The following FAM163A variants were observed in gnomAD, a reference collection of about 807,000 sequenced individuals.
FAM163A encodes the protein protein FAM163A.
Under a neutral mutation model 12.0 loss-of-function variants are expected in FAM163A, and 7 were observed. That is an observed-to-expected ratio of 0.58 (90% CI 0.33 to 1.10). The LOEUF (loss-of-function observed/expected upper bound fraction) is 1.10. Ranked by LOEUF, FAM163A falls within the 50% of genes least tolerant of loss-of-function variation. The probability of loss-of-function intolerance (pLI) is 0.03; values close to 1 mark genes in which losing one functional copy is unlikely to be tolerated. For missense variants in FAM163A, 202 were observed against 218.6 expected (o/e 0.92, Z 0.48); for synonymous variants, 101 against 91.0 (o/e 1.11, Z -0.62).
chr1:179,770,050 C>T (rs530475439), intron 1 of FAM163A, among the ~76,000 whole-genome samples: 9 of 151,742 alleles, frequency 5.9e-5, no homozygotes, highest in South Asian at 4.2e-4. Flanking sequence ...GGACTACAGG[C>T]GCCTGCCACC....
At chr1:179,738,496 T>C (rs557718967), upstream of FAM163A, among the ~76,000 whole-genome samples, 1 of 152,304 alleles carries the variant, frequency 6.6e-6, no homozygotes, top group African/African-American at 2.4e-5. Context: ...AATTTAGCAA[T>C]ATGTGAAAAG....
At chr1:179,747,300 T>C (rs2147959878) in intron 1 of FAM163A, among the ~76,000 whole-genome samples, 1 of 152,332 alleles carries the variant, frequency 6.6e-6, no homozygotes, top group East Asian at 1.9e-4. Flanking sequence ...GCATTTCTTA[T>C]CAGCACAGAT....
In FAM163A at chr1:179,814,029, A is replaced by G. The variant is rs139956216; in HGVS notation, c.344A>G (p.Asn115Ser). ...FYIRTADMVP[N>S]GGGGERLSFA... The stretch of plus-strand genomic sequence containing the variant: ...ATACGGACGGCTGACATGGTGCCCA[A>G]TGGGGGTGGAGGCGAGAGGCTCTCC... The change falls in exon 5 of 5, where the codon AAT becomes AGT. Residue 115 changes from asparagine (N) to serine (S), a missense_variant. Asn to Ser is a conservative substitution (Grantham distance 46). Coordinates refer to ENST00000341785, the MANE Select transcript of FAM163A (RefSeq NM_173509.3). The G allele has an allele frequency of 1.1e-5, 18 of 1,613,320 alleles. No individual in the cohort carries two copies. The highest frequency in any genetic ancestry group is 3.3e-5 in the South Asian group (3 of 91,018).
At chr1:179,779,263 C>T (rs1212587334) in intron 1 of FAM163A, among the ~76,000 whole-genome samples, 2 of 152,110 alleles carry the variant, frequency 1.3e-5, no homozygotes, top group Non-Finnish European at 2.9e-5. Context: ...TCTGTGGTAG[C>T]AGGAGTAGAA....
chr1:179,797,794 A>T (rs986040863), intron 1 of FAM163A, among the ~76,000 whole-genome samples: 5 of 152,318 alleles, frequency 3.3e-5, no homozygotes, highest in Admixed American at 2.0e-4. Context: ...ATAGTCAACA[A>T]GGCCAACTTC....
At chr1:179,800,707 G>A (rs932845634) in intron 1 of FAM163A, among the ~76,000 whole-genome samples, 3 of 152,134 alleles carry the variant, frequency 2.0e-5, no homozygotes, top group East Asian at 1.9e-4. Context: ...TTTCCTTAGC[G>A]CTCAGTAAGT....
intron 1 of FAM163A, among the ~76,000 whole-genome samples, chr1:179,775,999 A>G (rs773408124): frequency 6.6e-6 from 1 of 152,074 alleles, no homozygotes; most frequent in Non-Finnish European, 1.5e-5. Context: ...AATTGATCAG[A>G]TGGGGTGGGG....
chr1:179,728,046 G>A, the FAM163A span, among the ~76,000 whole-genome samples: 16 of 152,026 alleles, frequency 1.1e-4, no homozygotes, highest in African/African-American at 3.6e-4. Flanking sequence ...GCTGTGAGTG[G>A]GCAGAAAAAG....
chr1:179,794,962 C>T (rs1275097675), intron 1 of FAM163A, among the ~76,000 whole-genome samples: 1 of 152,144 alleles, frequency 6.6e-6, no homozygotes, highest in Non-Finnish European at 1.5e-5. Flanking sequence ...AACTCCAAGG[C>T]CTGGGCTCCT....
At position 179,805,084 on chromosome 1, in the gene FAM163A, CT is replaced by C. The variant is rs1329886808; in HGVS notation, c.-135-2711del. ...TTTTTTTTCTTCAAATGTCCCTTTA[CT>C]TTAAAATGTATTCAGTGGGAGAAAT... is the stretch of plus-strand genomic sequence containing the variant. On this transcript the variant is annotated intron_variant, in intron 1 of 4. Coordinates refer to ENST00000341785, the MANE Select transcript of FAM163A (RefSeq NM_173509.3). 2.0e-5 allele frequency among the ~76,000 whole-genome samples: 3 copies of C among 152,124 alleles called. No homozygotes were observed. The East Asian group carries it at 5.8e-4, about 29-fold the overall frequency.
upstream of FAM163A, chr1:179,743,264 G>T (rs1683891881): frequency 6.6e-6 from 1 of 152,268 alleles, no homozygotes; most frequent in Non-Finnish European, 1.5e-5. Flanking sequence ...CTGGAGGGGC[G>T]ATGAGGCTCC....
At chr1:179,788,015 GT>G (rs1165307431) in intron 1 of FAM163A, among the ~76,000 whole-genome samples, 1 of 152,224 alleles carries the variant, frequency 6.6e-6, no homozygotes, top group Non-Finnish European at 1.5e-5. Context: ...GAGACAACAA[GT>G]TAATATATGG....
intron 1 of FAM163A, among the ~76,000 whole-genome samples, chr1:179,752,085 A>G (rs143521626): frequency 2.8e-4 from 42 of 152,332 alleles, no homozygotes; most frequent in African/African-American, 9.1e-4. Flanking sequence ...ACAGTATGGT[A>G]CTGGTATAAA....
intron 1 of FAM163A, among the ~76,000 whole-genome samples, chr1:179,788,283 G>A (rs1332428772): frequency 6.6e-6 from 1 of 152,140 alleles, no homozygotes; most frequent in Non-Finnish European, 1.5e-5. Flanking sequence ...CCACTCACCT[G>A]TTCATAGCTT....
At chr1:179,806,049 G>C (rs1276595631) in intron 1 of FAM163A, among the ~76,000 whole-genome samples, 1 of 152,070 alleles carries the variant, frequency 6.6e-6, no homozygotes, top group Non-Finnish European at 1.5e-5. Context: ...TCCTCCCTTG[G>C]GATACATAGC....
Position 179,816,016 on chromosome 1 carries a change from A to G in FAM163A, c.*1827A>G, listed in dbSNP as rs750661503. Reference sequence around the variant, plus strand: ...AGGGAAACGAGGCTTGCCCAGATAGACTAACAACCCTTTAGTGCTCCAAGA... The same window carrying G: ...AGGGAAACGAGGCTTGCCCAGATAGGCTAACAACCCTTTAGTGCTCCAAGA... On this transcript the variant is annotated 3_prime_UTR_variant, in exon 5 of 5. Transcript: ENST00000341785. 3 of 152,204 alleles carry G rather than the reference A, an allele frequency of 2.0e-5. No homozygotes were observed. Among genetic ancestry groups the G allele is most frequent in the Non-Finnish European group, 4.4e-5 (3 of 68,094 alleles). The allele number at this position is 152,204 out of a possible 1,614,324, so 9.4% of individuals were successfully genotyped here.
chr1:179,752,476 CA>C (rs33926633), intron 1 of FAM163A, among the ~76,000 whole-genome samples: 57,578 of 127,672 alleles, frequency 0.45, 12,428 homozygotes, highest in South Asian at 0.55. Flanking sequence ...TTTGTACAGC[CA>C]AAAAAAAAAA....
chr1:179,805,250 G>T (rs1280389140), intron 1 of FAM163A, among the ~76,000 whole-genome samples: 2 of 152,178 alleles, frequency 1.3e-5, no homozygotes, highest in Admixed American at 6.5e-5. Context: ...GGGCATGCTG[G>T]CTCACGCCTG....
intron 1 of FAM163A, among the ~76,000 whole-genome samples, chr1:179,800,411 A>C (rs1198277387): frequency 1.3e-5 from 2 of 152,226 alleles, no homozygotes; most frequent in Non-Finnish European, 2.9e-5. Context: ...GGAGCAGAGC[A>C]CCTCTGTTTA....
Sources: allele counts gnomAD v4.1 joint callset (sites outside exome capture counted in the v4.1 genomes callset), GRCh38; gene constraint gnomAD v4.1.1; transcripts MANE v1.5; gene names NCBI Gene and HGNC (gene_info 2026-07-23, HGNC 2026-07-21).